STRIP1: variants seen among roughly 807,000 people sequenced by gnomAD.
STRIP1 encodes striatin-interacting protein 1.
STRIP1 carries 63 observed loss-of-function variants against 106.2 expected under a neutral mutation model. The observed-to-expected ratio is 0.59, with a 90% confidence interval of 0.48 to 0.73. The LOEUF is 0.73. Among genes scored for constraint, STRIP1 ranks in the 30% least tolerant of loss-of-function variants. STRIP1 has a pLI of 0.00. For missense variants in STRIP1, 857 were observed against 1,074.8 expected (o/e 0.80, Z 2.83); for synonymous variants, 390 against 413.0 (o/e 0.94, Z 0.67).
At position 110,051,002 on chromosome 1, in the gene STRIP1, G is replaced by A; in HGVS notation, c.2003G>A (p.Cys668Tyr). ...NQFCWRNLFSCINLLRILNKL... is the reference protein window; with the variant it reads ...NQFCWRNLFSYINLLRILNKL... ...TTTTGCTGGAGGAACCTCTTTTCTT[G>A]TATCAATCTGCTTCGGATCTTGAAC... is the stretch of plus-strand genomic sequence containing the variant. The change falls in exon 19 of 21, where the codon TGT becomes TAT. Residue 668 changes from cysteine to tyrosine, a missense_variant. Transcript: ENST00000369795. 1 of 1,614,088 alleles carries A rather than the reference G, an allele frequency of 6.2e-7. No individual in the cohort carries two copies. Among genetic ancestry groups the A allele is most frequent in the Non-Finnish European group, 8.5e-7 (1 of 1,179,908 alleles).
At position 110,041,631 on chromosome 1, in the gene STRIP1, G is replaced by T. The variant is rs773584384; in HGVS notation, c.746G>T (p.Arg249Ile). Residue 249 changes from arginine (R) to isoleucine (I), a missense_variant, in exon 7 of 21, where the codon AGA becomes ATA. Physicochemically the swap from Arg to Ile is moderately conservative, Grantham distance 97. Coordinates refer to ENST00000369795, the MANE Select transcript of STRIP1 (RefSeq NM_033088.4). ...TGGAGGACCATGCGGCAGACCTTCA[G>T]AGCCGAGCTGGGTAGGACCCTGGGG... ...AEWRTMRQTF[R>I]AELGSPLYNN... is the part of the protein sequence containing the mutation. 2.7e-5 allele frequency: 43 copies of T among 1,614,042 alleles called. No individual in the cohort carries two copies. The Middle Eastern group carries it at 6.6e-4, about 25-fold the overall frequency.
chr1:110,049,984 G>A (rs956267584), intron 17 of STRIP1: 3 of 361,248 alleles, frequency 8.3e-6, no homozygotes, highest in Non-Finnish European at 1.5e-5. Context: ...TCGTCAGTGT[G>A]ATATACCACA....
At chr1:110,043,004 G>T in intron 8 of STRIP1, 84 bp from the exon 9 acceptor site, 1 of 1,349,966 alleles carries the variant, frequency 7.4e-7, no homozygotes, top group South Asian at 1.4e-5. Flanking sequence ...ATGATGTCAT[G>T]AATGTTTCTG....
intron 3 of STRIP1, 28 bp from the exon 4 acceptor site, chr1:110,039,144 C>T (rs778464574): frequency 1.8e-5 from 29 of 1,611,632 alleles, no homozygotes; most frequent in Admixed American, 8.4e-5. Context: ...TTTCTAGGCT[C>T]AGGTGTAACT....
Position 110,045,005 on chromosome 1 carries a change from T to TATTC in STRIP1, c.1353-9_1353-6dup. 4 of 1,614,200 alleles carry TATTC rather than the reference T, an allele frequency of 2.5e-6. No homozygotes were observed. Among genetic ancestry groups the TATTC allele is most frequent in the Non-Finnish European group, 3.4e-6 (4 of 1,180,026 alleles). On this transcript the variant is annotated splice_polypyrimidine_tract_variant and intron_variant, in intron 11 of 20. Coordinates refer to ENST00000369795, the MANE Select transcript of STRIP1 (RefSeq NM_033088.4). ...TCGAGGCTCAACACAGGGCCTTCTT[T>TATTC]ATTCTCCAGTGACACGAACACAGTG...
chr1:110,039,452 T>TC lies in STRIP1; in HGVS notation c.519dup (p.Phe174LeufsTer39). 6.2e-7 allele frequency: 1 copy of TC among 1,613,440 alleles called. No individual in the cohort carries two copies. Among genetic ancestry groups the TC allele is most frequent in the Non-Finnish European group, 8.5e-7 (1 of 1,179,760 alleles). Reference sequence around the variant, plus strand: ...GTGCAGTCCTGGATGCGCTACAACATCTTTCTCCTCCTGGAGGTGGGCACG... The same window carrying TC: ...GTGCAGTCCTGGATGCGCTACAACATCCTTTCTCCTCCTGGAGGTGGGCACG... On this transcript the variant is annotated frameshift_variant, in exon 5 of 21. Transcript: ENST00000369795. LOFTEE classifies it high-confidence loss of function.
intron 5 of STRIP1, 152 bp from the exon 6 acceptor site, chr1:110,040,483 T>G: frequency 1.5e-6 from 1 of 656,728 alleles, no homozygotes; most frequent in Non-Finnish European, 2.5e-6. Flanking sequence ...TGCCCAGCCA[T>G]GGTCTGGTTT....
At chr1:110,041,278 C>T in intron 6 of STRIP1, 1 of 315,906 alleles carries the variant, frequency 3.2e-6, no homozygotes. Flanking sequence ...TTTCCATTTC[C>T]TCATCATAAA....
rs1324398589 is a variant in STRIP1 at position 110,038,763 on chromosome 1, A to G, written c.325+6A>G. The stretch of plus-strand genomic sequence containing the variant: ...GGAGGACTTCCGGATCCATGGTGAG[A>G]TGATTTCCCACACTTCTTGCTTCCT... On this transcript the variant is annotated splice_donor_region_variant and intron_variant, in intron 3 of 20. Coordinates refer to ENST00000369795, the MANE Select transcript of STRIP1 (RefSeq NM_033088.4). 1.9e-6 allele frequency: 3 copies of G among 1,613,158 alleles called. No homozygotes were observed. The Admixed American group carries it at 5.0e-5, about 27-fold the overall frequency.
intron 12 of STRIP1, 21 bp downstream of exon 12, chr1:110,045,099 T>C (rs1396649169): frequency 6.2e-7 from 1 of 1,612,866 alleles, no homozygotes; most frequent in Non-Finnish European, 8.5e-7. Flanking sequence ...TTGGGTGAGC[T>C]TTTGGCTTGT....
At chr1:110,035,011 C>T (rs1652373676) in intron 1 of STRIP1, among the ~76,000 whole-genome samples, 194 bp downstream of exon 1, 1 of 152,232 alleles carries the variant, frequency 6.6e-6, no homozygotes, top group African/African-American at 2.4e-5. Context: ...AGTCCTTGCT[C>T]TAGCTCCGCC....
intron 10 of STRIP1, among the ~76,000 whole-genome samples, chr1:110,044,252 G>C (rs1272941702): frequency 1.3e-5 from 2 of 152,238 alleles, no homozygotes; most frequent in Admixed American, 6.5e-5. Flanking sequence ...AAATGTTTGA[G>C]ATATATGTGG....
intron 1 of STRIP1, 45 bp downstream of exon 1, chr1:110,034,862 C>T: frequency 7.3e-7 from 1 of 1,375,370 alleles, no homozygotes; most frequent in Middle Eastern, 2.7e-4. Flanking sequence ...TCGGGCGGCG[C>T]CGGGGGTCCC....
intron 5 of STRIP1, 133 bp from the exon 6 acceptor site, chr1:110,040,502 C>T: frequency 2.5e-6 from 2 of 788,540 alleles, no homozygotes; most frequent in Non-Finnish European, 4.0e-6. Flanking sequence ...TTCTTAACCA[C>T]CGTGTCCTGT....
At chr1:110,032,086 A>C (rs1035979552), upstream of STRIP1, among the ~76,000 whole-genome samples, 7 of 152,120 alleles carry the variant, frequency 4.6e-5, no homozygotes. Flanking sequence ...GGTTGATCCC[A>C]ACTTTACACT....
chr1:110,040,416 A>T (rs1387368394), intron 5 of STRIP1, among the ~76,000 whole-genome samples: 1 of 152,202 alleles, frequency 6.6e-6, no homozygotes, highest in Non-Finnish European at 1.5e-5. Context: ...TCTTGACCTC[A>T]GGTGATCCAC....
chr1:110,041,249 G>A (rs1019512664), intron 6 of STRIP1: 5 of 250,892 alleles, frequency 2.0e-5, no homozygotes, highest in South Asian at 7.7e-5. Flanking sequence ...ATCCCTGGGC[G>A]TCACCTCTCA....
rs528109444 is a variant in STRIP1 at position 110,040,710 on chromosome 1, C to T, written c.650+7C>T. On this transcript the variant is annotated splice_region_variant and intron_variant, in intron 6 of 20. Coordinates refer to ENST00000369795, the MANE Select transcript of STRIP1 (RefSeq NM_033088.4). ...CTGACAGCACAGACCTCAGGTGAGG[C>T]GAGCAGCAAGCCTGGGCTCCTGAGC... 5 of 1,607,606 alleles carry T rather than the reference C, an allele frequency of 3.1e-6. No individual in the cohort carries two copies. Among genetic ancestry groups the T allele is most frequent in the African/African-American group, 2.7e-5 (2 of 74,900 alleles).
intron 13 of STRIP1, among the ~76,000 whole-genome samples, chr1:110,047,202 G>C (rs1438193515): frequency 2.0e-5 from 3 of 152,138 alleles, no homozygotes; most frequent in African/African-American, 7.2e-5. Context: ...TCTAGTGCAG[G>C]GTTAAGAATA....
Sources: gnomAD v4.1 joint callset for allele counts (sites outside exome capture counted in the v4.1 genomes callset) on GRCh38, gnomAD v4.1.1 for gene constraint, MANE v1.5 for transcripts, NCBI Gene and HGNC (gene_info 2026-07-23, HGNC 2026-07-21) for gene names.